The following RALYL variants were observed in gnomAD, a reference collection of about 807,000 sequenced individuals.
The protein encoded by RALYL is RNA-binding Raly-like protein.
In RALYL, 29 loss-of-function variants were observed where a neutral mutation model predicts 35.1. The observed-to-expected ratio is 0.83, with a 90% CI of 0.61 to 1.13. RALYL has a LOEUF of 1.13. Among genes scored for constraint, RALYL ranks in the 50% most tolerant of loss-of-function variants. The pLI, the probability that RALYL is intolerant of heterozygous loss-of-function variation, is 0.00. For missense variants in RALYL, 359 were observed against 360.4 expected (o/e 1.00, Z 0.03); for synonymous variants, 120 against 127.6 (o/e 0.94, Z 0.40).
At chr8:84,418,674 C>A (rs892449398) in intron 1 of RALYL, among the ~76,000 whole-genome samples, 1 of 152,128 alleles carries the variant, frequency 6.6e-6, no homozygotes, top group African/African-American at 2.4e-5. Flanking sequence ...TGTTAGAATG[C>A]AGTTTAGAGA....
chr8:84,377,471 T>TGTTTGTTTGTTTGTTTG (rs1857164730), intron 1 of RALYL, among the ~76,000 whole-genome samples: 1 of 142,362 alleles, frequency 7.0e-6, no homozygotes, highest in African/African-American at 2.9e-5. Flanking sequence ...TTTTTTTTTT[T>TGTTTGTTTGTTTGTTTG]TTTTCTTAAA....
chr8:84,869,362 G>C (rs1340397659), intron 6 of RALYL, among the ~76,000 whole-genome samples: 1 of 139,388 alleles, frequency 7.2e-6, no homozygotes. Flanking sequence ...TTATTTCTTT[G>C]TTTTGGACAT....
At position 84,867,992 on chromosome 8, in the gene RALYL, CTCTTTTT is replaced by C. The variant is rs1337120005; in HGVS notation, c.572-5290_572-5284del. On this transcript the variant is annotated intron_variant, in intron 6 of 8. Coordinates refer to ENST00000521268, the MANE Select transcript of RALYL (RefSeq NM_173848.7). ...AGGTGACAGAACATTTTTACTATTT[CTCTTTTT>C]TTTGTATTTTATATGCATAATAATA... Among the ~76,000 whole-genome samples, 5 of 151,932 alleles carry C rather than the reference CTCTTTTT, an allele frequency of 3.3e-5. No homozygotes were observed. In the East Asian group the frequency reaches 9.6e-4, roughly 29 times the overall value.
At chr8:84,228,107 C>T (rs1824384443) in intron 1 of RALYL, among the ~76,000 whole-genome samples, 1 of 147,814 alleles carries the variant, frequency 6.8e-6, no homozygotes, top group African/African-American at 2.5e-5. Context: ...AGTGAAATTC[C>T]TTTGTCCCAA....
chr8:84,514,588 T>C (rs1044756742), intron 1 of RALYL, among the ~76,000 whole-genome samples: 8 of 152,148 alleles, frequency 5.3e-5, no homozygotes, highest in African/African-American at 1.9e-4. Context: ...TCCAACTATA[T>C]CACAAGGTCA....
At chr8:84,870,709 G>C (rs192320233) in intron 6 of RALYL, among the ~76,000 whole-genome samples, 22 of 152,168 alleles carry the variant, frequency 1.4e-4, no homozygotes, top group Admixed American at 1.1e-3. Context: ...AAGCAGAAGA[G>C]AGCTAGAAAG....
At chr8:84,518,207 A>G (rs576833283) in intron 1 of RALYL, among the ~76,000 whole-genome samples, 1 of 130,262 alleles carries the variant, frequency 7.7e-6, no homozygotes, top group East Asian at 2.2e-4. Context: ...CTGGAGTAAG[A>G]TCTTAGCAAA....
intron 1 of RALYL, among the ~76,000 whole-genome samples, chr8:84,379,726 T>G (rs1044403457): frequency 4.6e-5 from 7 of 151,446 alleles, no homozygotes; most frequent in Admixed American, 6.6e-5. Flanking sequence ...TCCAAACATA[T>G]AGAAGTGCAA....
At chr8:84,347,311 C>T (rs924923505) in intron 1 of RALYL, among the ~76,000 whole-genome samples, 1 of 151,946 alleles carries the variant, frequency 6.6e-6, no homozygotes, top group Admixed American at 6.6e-5. Flanking sequence ...CTGTCCTTTT[C>T]ATTTATTTTG....
chr8:84,806,959 C>T (rs898299175), intron 4 of RALYL, among the ~76,000 whole-genome samples: 18 of 152,108 alleles, frequency 1.2e-4, no homozygotes, highest in African/African-American at 3.4e-4. Flanking sequence ...TACAATGAAC[C>T]GAGATCGCAC....
intron 1 of RALYL, among the ~76,000 whole-genome samples, chr8:84,193,835 C>T (rs1238988432): frequency 6.6e-6 from 1 of 152,118 alleles, no homozygotes; most frequent in East Asian, 1.9e-4. Flanking sequence ...TGGTTAGAGA[C>T]TAGAAAGGCA....
intron 2 of RALYL, among the ~76,000 whole-genome samples, chr8:84,725,640 A>G (rs1844809662): frequency 6.6e-6 from 1 of 151,712 alleles, no homozygotes. Flanking sequence ...ACATTAGGTA[A>G]TATACGTCTG....
chr8:84,222,996 C>T (rs1202096435), intron 1 of RALYL, among the ~76,000 whole-genome samples: 1 of 152,070 alleles, frequency 6.6e-6, no homozygotes, highest in Admixed American at 6.6e-5. Context: ...AATATGGTGT[C>T]TTCAGAATTT....
At chr8:84,288,533 G>T (rs1270108938) in intron 1 of RALYL, among the ~76,000 whole-genome samples, 1 of 152,026 alleles carries the variant, frequency 6.6e-6, no homozygotes, top group Non-Finnish European at 1.5e-5. Flanking sequence ...ATGTCATGTT[G>T]TATCTTTTTT....
intron 2 of RALYL, among the ~76,000 whole-genome samples, chr8:84,567,827 G>C (rs2061894314): frequency 6.6e-6 from 1 of 151,646 alleles, no homozygotes; most frequent in African/African-American, 2.4e-5. Context: ...CCCACCAACA[G>C]GTCATAAGCA....
intron 2 of RALYL, among the ~76,000 whole-genome samples, chr8:84,706,519 A>C (rs1241739205): frequency 1.3e-5 from 2 of 152,162 alleles, no homozygotes; most frequent in African/African-American, 4.8e-5. Flanking sequence ...GAGAGAGTTA[A>C]TTGTGAATGA....
rs1016864992 is a variant in RALYL, at chr8:84,401,709, T to C, written c.-23-127590T>C. 5.3e-5 allele frequency among the ~76,000 whole-genome samples: 8 copies of C among 150,786 alleles called. No homozygotes were observed. In the South Asian group the frequency reaches 1.5e-3, roughly 28 times the overall value. On this transcript the variant is annotated intron_variant, in intron 1 of 8. Coordinates refer to ENST00000521268, the MANE Select transcript of RALYL (RefSeq NM_173848.7). ...ATTTAGTAACCAGTTAGGGATATTG[T>C]TAAACATCATGCAGTACATCAGAGA... is the stretch of plus-strand genomic sequence containing the variant.
intron 2 of RALYL, among the ~76,000 whole-genome samples, chr8:84,772,911 C>T (rs541762544): frequency 6.6e-6 from 1 of 152,190 alleles, no homozygotes; most frequent in South Asian, 2.1e-4. Flanking sequence ...AGCAAGTGTG[C>T]CCAATGTCTC....
At chr8:84,647,594 A>G (rs1298310669) in intron 2 of RALYL, among the ~76,000 whole-genome samples, 1 of 152,100 alleles carries the variant, frequency 6.6e-6, no homozygotes, top group African/African-American at 2.4e-5. Context: ...CTCACAAAAG[A>G]ATCTTCTAGT....
Sources: allele counts gnomAD v4.1 joint callset (sites outside exome capture counted in the v4.1 genomes callset), GRCh38; gene constraint gnomAD v4.1.1; transcripts MANE v1.5; gene names NCBI Gene and HGNC (gene_info 2026-07-23, HGNC 2026-07-21).